The following THSD7B variants were observed in gnomAD, a reference collection of about 807,000 sequenced individuals.
The protein encoded by THSD7B is thrombospondin type-1 domain-containing protein 7B.
In THSD7B, 138 loss-of-function variants were observed where a neutral mutation model predicts 213.6. The observed-to-expected ratio is 0.65, with a 90% CI of 0.56 to 0.74. The LOEUF (loss-of-function observed/expected upper bound fraction) is 0.74. THSD7B is among the 30% of genes least tolerant of loss of function. The pLI is 0.00. For missense variants in THSD7B, 1,931 were observed against 1,991.5 expected, an observed-to-expected ratio of 0.97 and a Z score of 0.58; for synonymous variants, 742 against 687.0, an observed-to-expected ratio of 1.08 and a Z score of -1.25.
At chr2:136,963,504 C>T (rs1022429368) in intron 2 of THSD7B, among the ~76,000 whole-genome samples, 29 of 152,050 alleles carry the variant, frequency 1.9e-4, no homozygotes, top group African/African-American at 6.8e-4. Context: ...ATAATACTGG[C>T]ATGATGGCAC....
At chr2:137,025,130 C>A (rs187838741) in intron 2 of THSD7B, among the ~76,000 whole-genome samples, 3 of 152,316 alleles carry the variant, frequency 2.0e-5, no homozygotes, top group East Asian at 3.9e-4. Context: ...TCTACCCAGT[C>A]TTTTCATGAA....
intron 27 of THSD7B, among the ~76,000 whole-genome samples, chr2:137,670,815 G>A (rs933981989): frequency 4.0e-5 from 6 of 151,466 alleles, no homozygotes; most frequent in Middle Eastern, 3.2e-3. Flanking sequence ...CAGCTACTCC[G>A]GAGGCTGAGG....
intron 7 of THSD7B, among the ~76,000 whole-genome samples, chr2:137,220,464 TACAGTTTAATA>T (rs1681343509): frequency 6.6e-6 from 1 of 152,068 alleles, no homozygotes; most frequent in Non-Finnish European, 1.5e-5. Context: ...AAATTAAAAA[TACAGTTTAATA>T]ACACTACCCA....
At position 137,102,208 on chromosome 2, in the gene THSD7B, T is replaced by C. The variant is rs140864058; in HGVS notation, c.1199+7087T>C. Among the ~76,000 whole-genome samples the C allele has an allele frequency of 7.0e-3, 1,071 of 152,340 alleles. 10 individuals carry two copies. Among genetic ancestry groups the C allele is most frequent in the Non-Finnish European group, 7.6e-3 (516 of 68,028 alleles). On this transcript the variant is annotated intron_variant, in intron 4 of 27. Coordinates refer to ENST00000409968, the MANE Select transcript of THSD7B (RefSeq NM_001316349.2). ...CCAGAGGAAGGAACAGGCAGCAATC[T>C]GCTGTTCTGCAGCCTCTGCTGGAGA...
intron 15 of THSD7B, among the ~76,000 whole-genome samples, chr2:137,534,354 A>G (rs976352295): frequency 6.6e-6 from 1 of 151,740 alleles, no homozygotes; most frequent in Non-Finnish European, 1.5e-5. Flanking sequence ...AATACAGGAT[A>G]GTATTTTATG....
chr2:136,918,759 A>G (rs1684386511), intron 2 of THSD7B, among the ~76,000 whole-genome samples: 1 of 152,236 alleles, frequency 6.6e-6, no homozygotes, highest in Non-Finnish European at 1.5e-5. Context: ...TGTTTTCCAG[A>G]AGTACAACTT....
At chr2:137,338,255 C>G (rs1343382530) in intron 12 of THSD7B, among the ~76,000 whole-genome samples, 2 of 152,004 alleles carry the variant, frequency 1.3e-5, no homozygotes, top group African/African-American at 4.8e-5. Context: ...AATAGTTGAG[C>G]ATTTTGCATG....
At chr2:137,224,989 C>G (rs1681463234) in intron 7 of THSD7B, among the ~76,000 whole-genome samples, 2 of 151,946 alleles carry the variant, frequency 1.3e-5, no homozygotes, top group Admixed American at 6.6e-5. Flanking sequence ...TTTTTAATGT[C>G]TCTTTTGGGT....
At chr2:137,110,048 T>C (rs1275638188) in intron 4 of THSD7B, among the ~76,000 whole-genome samples, 1 of 152,138 alleles carries the variant, frequency 6.6e-6, no homozygotes, top group Admixed American at 6.6e-5. Context: ...CCAACATCCT[T>C]ATGCTCACTC....
At chr2:137,109,013 A>G (rs903687218) in intron 4 of THSD7B, among the ~76,000 whole-genome samples, 3 of 151,720 alleles carry the variant, frequency 2.0e-5, no homozygotes, top group Admixed American at 6.6e-5. Context: ...ATCCATCACT[A>G]CTCTCTCTCA....
intron 9 of THSD7B, among the ~76,000 whole-genome samples, chr2:137,235,375 A>G (rs976232338): frequency 5.3e-5 from 8 of 152,268 alleles, no homozygotes; most frequent in African/African-American, 1.9e-4. Context: ...CCTTTCCACA[A>G]AGCTTTTCAT....
At chr2:137,404,452 T>G (rs1558785733) in intron 12 of THSD7B, among the ~76,000 whole-genome samples, 3 of 104,626 alleles carry the variant, frequency 2.9e-5, no homozygotes, top group African/African-American at 1.2e-4. Flanking sequence ...TATATATATA[T>G]ATATATATAT....
intron 2 of THSD7B, among the ~76,000 whole-genome samples, chr2:136,910,364 G>A (rs1684237067): frequency 6.6e-6 from 1 of 152,094 alleles, no homozygotes; most frequent in Admixed American, 6.6e-5. Context: ...TTAGGAATGG[G>A]GGCTTGTGTT....
intron 7 of THSD7B, among the ~76,000 whole-genome samples, chr2:137,193,479 T>C (rs1006180611): frequency 2.2e-4 from 33 of 152,174 alleles, no homozygotes; most frequent in African/African-American, 7.7e-4. Context: ...ATGGACATTA[T>C]TATTAATCAT....
intron 17 of THSD7B, among the ~76,000 whole-genome samples, chr2:137,612,113 T>C (rs1387170699): frequency 6.6e-6 from 1 of 152,196 alleles, no homozygotes; most frequent in Non-Finnish European, 1.5e-5. Flanking sequence ...TTATATAACA[T>C]GAAATGCTAA....
intron 2 of THSD7B, among the ~76,000 whole-genome samples, chr2:137,011,200 C>T (rs1686225074): frequency 6.6e-6 from 1 of 152,120 alleles, no homozygotes; most frequent in Admixed American, 6.6e-5. Context: ...TGGATCAAAC[C>T]TGTGGGCTTA....
At chr2:136,871,997 C>T (rs1483677374) in intron 1 of THSD7B, among the ~76,000 whole-genome samples, 1 of 151,994 alleles carries the variant, frequency 6.6e-6, no homozygotes, top group Non-Finnish European at 1.5e-5. Flanking sequence ...ATATTGGTTT[C>T]TCCTATGTTC....
At chr2:136,865,695 T>A (rs1361411374) in intron 1 of THSD7B, among the ~76,000 whole-genome samples, 3 of 152,214 alleles carry the variant, frequency 2.0e-5, no homozygotes, top group East Asian at 1.9e-4. Flanking sequence ...ATAGCATGTG[T>A]TGAAAATTGT....
intron 3 of THSD7B, among the ~76,000 whole-genome samples, chr2:137,085,659 G>T (rs1476289136): frequency 2.6e-5 from 4 of 152,024 alleles, no homozygotes; most frequent in African/African-American, 7.2e-5. Context: ...ATGGGTGATG[G>T]TTCCATAAAA....
Sources: gnomAD v4.1 joint callset for allele counts (sites outside exome capture counted in the v4.1 genomes callset) on GRCh38, gnomAD v4.1.1 for gene constraint, MANE v1.5 for transcripts, NCBI Gene and HGNC (gene_info 2026-07-23, HGNC 2026-07-21) for gene names.